The following HHIPL1 variants were observed in gnomAD, a reference collection of about 807,000 sequenced individuals.
HHIPL1 encodes the protein HHIP-like protein 1.
In HHIPL1, 43 loss-of-function variants were observed where a neutral mutation model predicts 61.8. The ratio of observed to expected loss-of-function variants is 0.70; its 90% confidence interval spans 0.55 to 0.90. The LOEUF is 0.90. HHIPL1 is among the 40% of genes least tolerant of loss of function. The pLI, the probability that HHIPL1 is intolerant of heterozygous loss-of-function variation, is 0.00. For missense variants in HHIPL1, 1,056 were observed against 1,157.7 expected (o/e 0.91, Z 1.28); for synonymous variants, 482 against 515.8 (o/e 0.93, Z 0.89).
In HHIPL1 at chr14:99,645,434, C is replaced by G; in HGVS notation, c.227C>G (p.Ala76Gly). 1 of 1,360,506 alleles carries G rather than the reference C, an allele frequency of 7.4e-7. No homozygotes were observed. Among genetic ancestry groups the G allele is most frequent in the Non-Finnish European group, 9.4e-7 (1 of 1,061,596 alleles). The allele number at this position is 1,360,506 out of a possible 1,614,324, so 84.3% of individuals were successfully genotyped here. ...RVDAAEWAACAGYARDLLCQE... is the reference protein window; with the variant it reads ...RVDAAEWAACGGYARDLLCQE... ...GACGCCGCCGAGTGGGCCGCGTGCG[C>G]CGGCTACGCGAGGGACCTGCTGTGC... The change falls in exon 1 of 9, where the codon GCC (alanine) becomes GGC (glycine). Residue 76 changes from alanine to glycine, a missense_variant. Physicochemically the swap from Ala to Gly is moderately conservative, Grantham distance 60. Transcript: ENST00000330710.
At chr14:99,623,681 T>C in the HHIPL1 span, among the ~76,000 whole-genome samples, 1 of 152,152 alleles carries the variant, frequency 6.6e-6, no homozygotes, top group African/African-American at 2.4e-5. Flanking sequence ...CCCAAAGTGC[T>C]GGGATTACAG....
intron 6 of HHIPL1, among the ~76,000 whole-genome samples, chr14:99,665,697 G>A (rs2056233348): frequency 6.6e-6 from 1 of 152,212 alleles, no homozygotes; most frequent in Admixed American, 6.5e-5. Flanking sequence ...GCCTCCCAAA[G>A]TGCTGGGATT....
chr14:99,619,290 G>A, the HHIPL1 span, among the ~76,000 whole-genome samples: 2,788 of 151,844 alleles, frequency 0.018, 81 homozygotes, highest in African/African-American at 0.065. Context: ...GTGAAACCTC[G>A]TCTCTACTAA....
At chr14:99,624,353 G>T in the HHIPL1 span, among the ~76,000 whole-genome samples, 1 of 152,192 alleles carries the variant, frequency 6.6e-6, no homozygotes, top group Non-Finnish European at 1.5e-5. Flanking sequence ...TTCATCTGTG[G>T]ATGGGTCAGC....
chr14:99,628,409 G>T, the HHIPL1 span, among the ~76,000 whole-genome samples: 1,766 of 152,012 alleles, frequency 0.012, 44 homozygotes, highest in African/African-American at 0.041. Context: ...ATGAAACCCC[G>T]TCTCTACTAA....
Position 99,660,685 on chromosome 14 carries a change from C to T in HHIPL1, c.1502+279C>T, listed in dbSNP as rs1430757243. 6.6e-6 allele frequency among the ~76,000 whole-genome samples: 1 copy of T among 152,216 alleles called. No homozygotes were observed. The highest frequency in any genetic ancestry group is 1.5e-5 in the Non-Finnish European group (1 of 68,032). Reference sequence around the variant, plus strand: ...CTTAAGTGCGGGTCCCGTGGTCTTCCTCTCCCTCCTGAGAACCATGGGCTC... The same window carrying T: ...CTTAAGTGCGGGTCCCGTGGTCTTCTTCTCCCTCCTGAGAACCATGGGCTC... On this transcript the variant is annotated intron_variant, in intron 5 of 8. Transcript: ENST00000330710. This position sits in a 1 kb window ranked among gnomAD's most constrained non-coding sequence, Gnocchi z 4.9.
chr14:99,651,704 G>A (rs1361153841), intron 1 of HHIPL1, among the ~76,000 whole-genome samples: 1 of 152,212 alleles, frequency 6.6e-6, no homozygotes, highest in Non-Finnish European at 1.5e-5. Flanking sequence ...AGGCTGGAGA[G>A]GTGGGGAGAG....
the HHIPL1 span, among the ~76,000 whole-genome samples, chr14:99,616,164 C>A: frequency 1.9e-3 from 283 of 152,310 alleles, no homozygotes; most frequent in Middle Eastern, 6.8e-3. Context: ...CACACAAATT[C>A]TTGCCATTGT....
intron 1 of HHIPL1, among the ~76,000 whole-genome samples, chr14:99,648,781 G>A (rs770232182): frequency 1.1e-4 from 17 of 152,224 alleles, no homozygotes; most frequent in Non-Finnish European, 1.5e-4. Context: ...TTTGCCAGAT[G>A]AGGAAGTAGG....
the HHIPL1 span, among the ~76,000 whole-genome samples, chr14:99,635,795 C>T: frequency 2.6e-5 from 4 of 152,320 alleles, no homozygotes; most frequent in South Asian, 6.2e-4. Flanking sequence ...CATCACCAGC[C>T]TCTGGAGGCA....
the HHIPL1 span, among the ~76,000 whole-genome samples, chr14:99,617,206 CAAACA>C: frequency 6.6e-6 from 1 of 152,202 alleles, no homozygotes; most frequent in Non-Finnish European, 1.5e-5. Context: ...ATGGCACACA[CAAACA>C]AAACTGTACA....
At chr14:99,612,762 G>C in the HHIPL1 span, among the ~76,000 whole-genome samples, 1 of 152,084 alleles carries the variant, frequency 6.6e-6, no homozygotes, top group South Asian at 2.1e-4. Flanking sequence ...GGGACTCTCA[G>C]TGCCTGGCCC....
At chr14:99,621,884 T>G in the HHIPL1 span, among the ~76,000 whole-genome samples, 1,096 of 151,702 alleles carry the variant, frequency 7.2e-3, 6 homozygotes, top group Admixed American at 0.014. Context: ...CCCGGCTAAT[T>G]TTTTGTATTT....
chr14:99,613,794 C>T, the HHIPL1 span, among the ~76,000 whole-genome samples: 2 of 151,874 alleles, frequency 1.3e-5, no homozygotes, highest in Non-Finnish European at 2.9e-5. Context: ...ACCTGTAATC[C>T]CAGCTACTCA....
chr14:99,678,184 G>C lies in HHIPL1; in HGVS notation c.*2558G>C, dbSNP rs139437715. ...CTGGCAGGAGGCAGAGCTCAGGTGG[G>C]AATGCTTGCTCCCCACACTACCCTG... On this transcript the variant is annotated 3_prime_UTR_variant, in exon 9 of 9. Transcript: ENST00000330710. 1 of 152,272 alleles carries C rather than the reference G, an allele frequency of 6.6e-6. No individual in the cohort carries two copies. The highest frequency in any genetic ancestry group is 1.5e-5 in the Non-Finnish European group (1 of 68,132). 9.4% of individuals were successfully genotyped at this position (152,272 alleles called of 1,614,324 possible).
chr14:99,605,448 C>T, the HHIPL1 span, among the ~76,000 whole-genome samples: 2 of 152,018 alleles, frequency 1.3e-5, no homozygotes, highest in Admixed American at 1.3e-4. Flanking sequence ...CGACAGTGAG[C>T]GGCCCACGGC....
chr14:99,662,781 G>A, intron 5 of HHIPL1, 95 bp from the exon 6 acceptor site: 1 of 1,171,374 alleles, frequency 8.5e-7, no homozygotes, highest in Non-Finnish European at 1.2e-6. Context: ...AGGGAGGAAT[G>A]GATACATGGA....
chr14:99,628,297 C>T, the HHIPL1 span, among the ~76,000 whole-genome samples: 2 of 152,112 alleles, frequency 1.3e-5, no homozygotes, highest in African/African-American at 2.4e-5. Flanking sequence ...ACAACACCAA[C>T]AGCCGGGGGC....
rs1378329258 is a variant in HHIPL1, at chr14:99,675,714, G to C, written c.*88G>C. Reference sequence around the variant, plus strand: ...CTGTGTGCGCCCAGCGGGTGCACACGTGTTCTAGAGTGAAGGGGGTGCGGG... The same window carrying C: ...CTGTGTGCGCCCAGCGGGTGCACACCTGTTCTAGAGTGAAGGGGGTGCGGG... On this transcript the variant is annotated 3_prime_UTR_variant, in exon 9 of 9. Transcript: ENST00000330710. The surrounding 1 kb of genome is among the most constrained non-coding windows in gnomAD (Gnocchi z 5.4). 2.4e-5 allele frequency: 31 copies of C among 1,288,430 alleles called. No individual in the cohort carries two copies. Among genetic ancestry groups the C allele is most frequent in the Non-Finnish European group, 3.0e-5 (29 of 966,372 alleles). 79.8% of individuals were successfully genotyped at this position (1,288,430 alleles called of 1,614,324 possible). A position where few individuals can be genotyped will look rare whatever the true frequency, so the allele number is the denominator to read the frequency against.
Sources: allele counts gnomAD v4.1 joint callset (sites outside exome capture counted in the v4.1 genomes callset), GRCh38; gene constraint gnomAD v4.1.1; non-coding constraint Gnocchi (gnomAD v3.1); transcripts MANE v1.5; gene names NCBI Gene and HGNC (gene_info 2026-07-23, HGNC 2026-07-21).